The following TMEM26 variants were observed in gnomAD, a reference collection of about 807,000 sequenced individuals.
The protein encoded by TMEM26 is transmembrane protein 26.
A neutral mutation model predicts 28.8 loss-of-function variants in TMEM26; 38 were observed. The ratio of observed to expected loss-of-function variants is 1.32; its 90% CI spans 1.02 to 1.73. The LOEUF (loss-of-function observed/expected upper bound fraction) is 1.73, where lower values mean the gene tolerates loss of function less well. Ranked by LOEUF, TMEM26 falls within the 40% of genes most tolerant of loss-of-function variation. The pLI, the probability that TMEM26 is intolerant of heterozygous loss-of-function variation, is 0.00. For missense variants in TMEM26, 518 were observed against 447.1 expected (o/e 1.16, Z -1.43); for synonymous variants, 227 against 182.9 (o/e 1.24, Z -1.95).
intron 1 of TMEM26, among the ~76,000 whole-genome samples, chr10:61,446,796 C>T (rs374124891): frequency 1.3e-4 from 15 of 114,540 alleles, no homozygotes; most frequent in Admixed American, 8.4e-4. Context: ...TCCAGCCTGG[C>T]GACAGAGCGA....
At chr10:61,445,186 C>G (rs1041933438) in intron 1 of TMEM26, among the ~76,000 whole-genome samples, 1 of 152,182 alleles carries the variant, frequency 6.6e-6, no homozygotes, top group African/African-American at 2.4e-5. Context: ...CCTCCATTAT[C>G]ATCATCACCA....
intron 4 of TMEM26, among the ~76,000 whole-genome samples, chr10:61,428,267 G>A (rs530864124): frequency 6.6e-5 from 10 of 152,156 alleles, no homozygotes; most frequent in African/African-American, 1.9e-4. Context: ...AAGTCGTTCC[G>A]TAAACAGATG....
chr10:61,410,186 G>C lies in TMEM26; in HGVS notation c.*136C>G. 1.0e-6 allele frequency: 1 copy of C among 980,268 alleles called. No homozygotes were observed. Among genetic ancestry groups the C allele is most frequent in the Non-Finnish European group, 1.5e-6 (1 of 683,644 alleles). 60.7% of individuals were successfully genotyped at this position (980,268 alleles called of 1,614,324 possible). A position where few individuals can be genotyped will look rare whatever the true frequency, so the allele number is the denominator to read the frequency against. ...TCAGTTGAAAAAAGAAAATTCCTCA[G>C]CTTTGGTTTAAGATCACCTTTTTAT... is the stretch of plus-strand genomic sequence containing the variant. On this transcript the variant is annotated 3_prime_UTR_variant, in exon 6 of 6. Coordinates refer to ENST00000399298, the MANE Select transcript of TMEM26 (RefSeq NM_178505.8).
At chr10:61,414,146 A>G (rs1023529062) in intron 4 of TMEM26, 46 of 714,256 alleles carry the variant, frequency 6.4e-5, no homozygotes, top group Admixed American at 6.3e-5. Flanking sequence ...GATACAACAT[A>G]TATTTATGGA....
chr10:61,417,604 G>C (rs757446400), intron 4 of TMEM26, among the ~76,000 whole-genome samples: 10 of 151,640 alleles, frequency 6.6e-5, no homozygotes, highest in Non-Finnish European at 1.0e-4. Context: ...CCTCAACTCT[G>C]CAAAATAAAA....
intron 1 of TMEM26, among the ~76,000 whole-genome samples, chr10:61,437,050 T>C (rs1271161417): frequency 3.3e-5 from 5 of 152,296 alleles, no homozygotes; most frequent in African/African-American, 1.2e-4. Context: ...ATTAATTTTC[T>C]TGTAGCTCTG....
chr10:61,450,747 C>T (rs1411392926), intron 1 of TMEM26, among the ~76,000 whole-genome samples: 1 of 151,974 alleles, frequency 6.6e-6, no homozygotes, highest in Non-Finnish European at 1.5e-5. Context: ...TGGGTCTGTT[C>T]TTCCAAAATA....
chr10:61,428,256 A>G (rs1589033890), intron 4 of TMEM26, among the ~76,000 whole-genome samples: 1 of 152,238 alleles, frequency 6.6e-6, no homozygotes, highest in East Asian at 1.9e-4. Flanking sequence ...TAATGGTAAG[A>G]AAGTCGTTCC....
rs1039672248 is a variant in TMEM26, at chr10:61,410,856, G to A, written c.683-110C>T. 2.2e-5 allele frequency: 24 copies of A among 1,093,248 alleles called. No individual in the cohort carries two copies. In the Middle Eastern group the frequency reaches 2.3e-3, roughly 103 times the overall value. The allele number at this position is 1,093,248 out of a possible 1,614,324, so 67.7% of individuals were successfully genotyped here. ...TGGGGACTGTGCTAGTAATAATTCT[G>A]TGATTTAATTACAGGATGGAAATCA... On this transcript the variant is annotated intron_variant, in intron 5 of 5. Coordinates refer to ENST00000399298, the MANE Select transcript of TMEM26 (RefSeq NM_178505.8).
In TMEM26 at chr10:61,444,052, T is replaced by G. The variant is rs771862857; in HGVS notation, c.192-7804A>C. On this transcript the variant is annotated intron_variant, in intron 1 of 5. Coordinates refer to ENST00000399298, the MANE Select transcript of TMEM26 (RefSeq NM_178505.8). Reference sequence around the variant, plus strand: ...ACCTGAAAAGCACATCTTTCTTTTCTGCACTCATAACCACTACTACCTCAG... The same window carrying G: ...ACCTGAAAAGCACATCTTTCTTTTCGGCACTCATAACCACTACTACCTCAG... Among the ~76,000 whole-genome samples the G allele has an allele frequency of 2.0e-4, 30 of 152,224 alleles. 1 individual carries two copies. Among genetic ancestry groups the G allele is most frequent in the Non-Finnish European group, 3.5e-4 (24 of 68,032 alleles).
chr10:61,410,868 C>G, intron 5 of TMEM26, 122 bp from the exon 6 acceptor site: 2 of 1,029,160 alleles, frequency 1.9e-6, no homozygotes, highest in Middle Eastern at 2.1e-4. Context: ...GATTTAATTA[C>G]AGGATGGAAA....
Position 61,408,430 on chromosome 10 carries a change from G to A in TMEM26, c.*1892C>T, listed in dbSNP as rs1839522734. On this transcript the variant is annotated 3_prime_UTR_variant, in exon 6 of 6. Transcript: ENST00000399298. Reference sequence around the variant, plus strand: ...ACTTTATACTTTATCTATTTTTAGGGCCTCAGTGTTTATTTTGCTGGAAGA... The same window carrying A: ...ACTTTATACTTTATCTATTTTTAGGACCTCAGTGTTTATTTTGCTGGAAGA... The A allele has an allele frequency of 1.3e-5, 2 of 152,074 alleles. No homozygotes were observed. The highest frequency in any genetic ancestry group is 2.9e-5 in the Non-Finnish European group (2 of 68,010). The allele number at this position is 152,074 out of a possible 1,614,324, so 9.4% of individuals were successfully genotyped here.
chr10:61,436,175 T>C lies in TMEM26; in HGVS notation c.265A>G (p.Thr89Ala), dbSNP rs1266948820. Reference sequence around the variant, plus strand: ...TACTTTCCAAAAAGAAGTACCTGGGTCTCATGGTGCAATTCAAGAAGCCAT... The same window carrying C: ...TACTTTCCAAAAAGAAGTACCTGGGCCTCATGGTGCAATTCAAGAAGCCAT... ...SLWLLELHHETQYCSIQAEGT... is the reference protein window; with the variant it reads ...SLWLLELHHEAQYCSIQAEGT... The change falls in exon 2 of 6, where the codon ACC (threonine) becomes GCC (alanine). Residue 89 changes from threonine (T) to alanine (A), a missense_variant. Coordinates refer to ENST00000399298, the MANE Select transcript of TMEM26 (RefSeq NM_178505.8). The C allele has an allele frequency of 1.9e-6, 3 of 1,598,918 alleles. No individual in the cohort carries two copies. Among genetic ancestry groups the C allele is most frequent in the East Asian group, 4.5e-5 (2 of 44,696 alleles).
chr10:61,431,521 G>A (rs187360122), intron 2 of TMEM26, among the ~76,000 whole-genome samples, 189 bp from the exon 3 acceptor site: 1 of 152,006 alleles, frequency 6.6e-6, no homozygotes, highest in Non-Finnish European at 1.5e-5. Flanking sequence ...AATATGAAAA[G>A]AATGTCAAGT....
chr10:61,422,291 A>G (rs898514239), intron 4 of TMEM26, among the ~76,000 whole-genome samples: 3 of 152,144 alleles, frequency 2.0e-5, no homozygotes, highest in Non-Finnish European at 4.4e-5. Context: ...CTTGAACAAC[A>G]CTATCAAGCA....
intron 1 of TMEM26, among the ~76,000 whole-genome samples, chr10:61,437,629 C>CA (rs1840029444): frequency 6.6e-6 from 1 of 151,902 alleles, no homozygotes; most frequent in Non-Finnish European, 1.5e-5. Flanking sequence ...ACTAAAAATA[C>CA]AAAAAATTAA....
intron 4 of TMEM26, among the ~76,000 whole-genome samples, chr10:61,421,251 T>C (rs1227069369): frequency 6.6e-6 from 1 of 152,006 alleles, no homozygotes; most frequent in East Asian, 1.9e-4. Context: ...AAAATGCTCA[T>C]ATAACCACTC....
chr10:61,420,723 T>TAAA (rs200958809), intron 4 of TMEM26, among the ~76,000 whole-genome samples: 1 of 142,400 alleles, frequency 7.0e-6, no homozygotes. Flanking sequence ...ATTTCCAGAT[T>TAAA]AAAAAAAAAA....
chr10:61,431,391 T>C, intron 2 of TMEM26, 59 bp from the exon 3 acceptor site: 1 of 1,175,430 alleles, frequency 8.5e-7, no homozygotes, highest in African/African-American at 1.5e-5. Context: ...ATGGTAGAGA[T>C]CAAAATGACT....
Sources: gnomAD v4.1 joint callset for allele counts (sites outside exome capture counted in the v4.1 genomes callset) on GRCh38, gnomAD v4.1.1 for gene constraint, MANE v1.5 for transcripts, NCBI Gene and HGNC (gene_info 2026-07-23, HGNC 2026-07-21) for gene names.